TH: variants seen among roughly 807,000 people sequenced by gnomAD.
The protein encoded by TH is tyrosine 3-monooxygenase.
TH carries 49 observed loss-of-function variants against 57.4 expected under a neutral mutation model. That is an observed-to-expected ratio of 0.85 (90% CI 0.68 to 1.08). The LOEUF (loss-of-function observed/expected upper bound fraction) is 1.08, where lower values mean the gene tolerates loss of function less well. Ranked by LOEUF, TH falls within the 50% of genes least tolerant of loss-of-function variation. The pLI, the probability that TH is intolerant of heterozygous loss-of-function variation, is 0.00. For synonymous variants in TH, 330 were observed against 304.5 expected, an observed-to-expected ratio of 1.08 and a Z score of -0.87; for missense variants, 720 against 696.7, an observed-to-expected ratio of 1.03 and a Z score of -0.38.
Position 2,166,630 on chromosome 11 carries a change from C to T in TH, c.977+3G>A, listed in dbSNP as rs1481224439. On this transcript the variant is annotated splice_donor_region_variant and intron_variant, in intron 8 of 12. Coordinates refer to ENST00000352909, the MANE Select transcript of TH (RefSeq NM_000360.4). ...CGGGCTGGCGGCCAGGGCGCGCACTCACGGCTCAGGGGAGTGCATGGGCGA... is the reference window on the plus strand; with the variant it reads ...CGGGCTGGCGGCCAGGGCGCGCACTTACGGCTCAGGGGAGTGCATGGGCGA... 9 of 1,579,966 alleles carry T rather than the reference C, an allele frequency of 5.7e-6. No homozygotes were observed. Among genetic ancestry groups the T allele is most frequent in the Non-Finnish European group, 7.7e-6 (9 of 1,164,250 alleles).
chr11:2,164,006 C>T lies in TH; in HGVS notation c.*227G>A. On this transcript the variant is annotated 3_prime_UTR_variant, in exon 13 of 13. Coordinates refer to ENST00000352909, the MANE Select transcript of TH (RefSeq NM_000360.4). ...CAGGGAAGGGCGGAGGGCAGTGCAGCAGCCCCCAGGACCCTGGGAGCCAGG... is the reference window on the plus strand; with the variant it reads ...CAGGGAAGGGCGGAGGGCAGTGCAGTAGCCCCCAGGACCCTGGGAGCCAGG... 2.5e-6 allele frequency: 1 copy of T among 397,196 alleles called. No individual in the cohort carries two copies. The allele number at this position is 397,196 out of a possible 1,614,324, so 24.6% of individuals were successfully genotyped here.
In TH at chr11:2,168,322, G is replaced by A. The variant is rs1846157498; in HGVS notation, c.488-143C>T. On this transcript the variant is annotated intron_variant, in intron 3 of 12. Transcript: ENST00000352909. ...AGAGCTGCGGGGGGATCCTGGAGTG[G>A]CCCCAGGCCCGGACACGGATGTGTA... is the stretch of plus-strand genomic sequence containing the variant. 3 of 1,345,466 alleles carry A rather than the reference G, an allele frequency of 2.2e-6. No individual in the cohort carries two copies. The African/African-American group carries it at 4.3e-5, about 19-fold the overall frequency. 83.3% of individuals were successfully genotyped at this position (1,345,466 alleles called of 1,614,324 possible).
chr11:2,167,262 G>T (rs1846124964), intron 6 of TH, 173 bp downstream of exon 6: 2 of 969,070 alleles, frequency 2.1e-6, no homozygotes, highest in South Asian at 1.6e-5. Flanking sequence ...GGCCCGACAG[G>T]ATGGGTAGCC....
chr11:2,168,421 C>A, intron 3 of TH, 70 bp downstream of exon 3: 1 of 1,584,404 alleles, frequency 6.3e-7, no homozygotes, highest in Non-Finnish European at 8.6e-7. Context: ...TAGGGTCCCC[C>A]TGCAGGAGCC....
chr11:2,167,742 C>T, intron 5 of TH, 124 bp downstream of exon 5: 1 of 1,280,114 alleles, frequency 7.8e-7, no homozygotes, highest in Non-Finnish European at 1.1e-6. Flanking sequence ...AGCAGAGCTG[C>T]CTGGCAGGAG....
Position 2,166,231 on chromosome 11 carries a change from C to A in TH, c.1048-173G>T. ...CCTCCACCGGGCCTCCTCCTCCAGG[C>A]AGCCCTCCTTGACCACATTCCTAAG... On this transcript the variant is annotated intron_variant, in intron 9 of 12. Transcript: ENST00000352909. 5 of 889,836 alleles carry A rather than the reference C, an allele frequency of 5.6e-6. No individual in the cohort carries two copies. The East Asian group carries it at 7.9e-5, about 14-fold the overall frequency. The allele number at this position is 889,836 out of a possible 1,614,324, so 55.1% of individuals were successfully genotyped here.
At chr11:2,164,547 C>T (rs1027132786) in intron 12 of TH, among the ~76,000 whole-genome samples, 155 bp from the exon 13 acceptor site, 6 of 152,136 alleles carry the variant, frequency 3.9e-5, no homozygotes, top group African/African-American at 1.4e-4. Context: ...ACACTGAGGC[C>T]TCTTCCAGGG....
In TH at chr11:2,164,224, G is replaced by A. The variant is rs762091461; in HGVS notation, c.*9C>T. On this transcript the variant is annotated 3_prime_UTR_variant, in exon 13 of 13. Coordinates refer to ENST00000352909, the MANE Select transcript of TH (RefSeq NM_000360.4). Reference sequence around the variant, plus strand: ...GAGGTTGGGAAGGGCCCTCAGGGACGCCGTGCACCTAGCCAATGGCACTCA... The same window carrying A: ...GAGGTTGGGAAGGGCCCTCAGGGACACCGTGCACCTAGCCAATGGCACTCA... 153 of 1,447,758 alleles carry A rather than the reference G, an allele frequency of 1.1e-4. No homozygotes were observed. Among genetic ancestry groups the A allele is most frequent in the Non-Finnish European group, 1.2e-4 (130 of 1,096,126 alleles). 89.7% of individuals were successfully genotyped at this position (1,447,758 alleles called of 1,614,324 possible).
chr11:2,167,227 G>T, intron 6 of TH, 195 bp from the exon 7 acceptor site: 1 of 987,168 alleles, frequency 1.0e-6, no homozygotes. Flanking sequence ...GGCCATGAGG[G>T]GCGGTCCCTC....
intron 5 of TH, 40 bp from the exon 6 acceptor site, chr11:2,167,525 G>A (rs1225418640): frequency 1.3e-6 from 2 of 1,548,676 alleles, no homozygotes; most frequent in South Asian, 1.2e-5. Flanking sequence ...CCCTCGGGGA[G>A]TGAGAAGGGC....
At chr11:2,165,565 A>C (rs1417444619) in intron 11 of TH, 103 bp downstream of exon 11, 17 of 1,375,038 alleles carry the variant, frequency 1.2e-5, no homozygotes, top group Non-Finnish European at 1.7e-5. Flanking sequence ...TGAGTCCTGG[A>C]GGTCCAGGCC....
rs769126179 is a variant in TH, at chr11:2,169,678, G to T, written c.284C>A (p.Ala95Glu). ...LFSPRATKPS[A>E]LSRAVKVFET... ...AAACACCTTCACAGCTCGGGACAGC[G>T]CCGAGGGCTTGGTGGCCCTCGGGGA... The change falls in exon 2 of 13, where the codon GCG (alanine) becomes GAG (glutamate). Residue 95 changes from alanine to glutamate, a missense_variant. Ala to Glu is a moderately radical substitution (Grantham distance 107). Transcript: ENST00000352909. 1.2e-6 allele frequency: 2 copies of T among 1,613,334 alleles called. No homozygotes were observed. Among genetic ancestry groups the T allele is most frequent in the African/African-American group, 1.3e-5 (1 of 74,862 alleles).
rs1590163880 is a variant in TH, at chr11:2,164,212, G to A, written c.*21C>T. 2.1e-6 allele frequency: 3 copies of A among 1,437,354 alleles called. No homozygotes were observed. The highest frequency in any genetic ancestry group is 1.5e-5 in the African/African-American group (1 of 68,260). The allele number at this position is 1,437,354 out of a possible 1,614,324, so 89.0% of individuals were successfully genotyped here. A position where few individuals can be genotyped will look rare whatever the true frequency, so the allele number is the denominator to read the frequency against. On this transcript the variant is annotated 3_prime_UTR_variant, in exon 13 of 13. Coordinates refer to ENST00000352909, the MANE Select transcript of TH (RefSeq NM_000360.4). ...GCAGGACCAGGGGAGGTTGGGAAGG[G>A]CCCTCAGGGACGCCGTGCACCTAGC... is the stretch of plus-strand genomic sequence containing the variant.
In TH at chr11:2,167,919, C is replaced by G; in HGVS notation, c.591G>C (p.Gln197His). ...LDLDHPGFSD[Q>H]VYRQRRKLIA... is the part of the protein sequence containing the mutation. ...TCAGCTTCCTGCGCTGGCGGTACAC[C>G]TGGTCCGAGAAGCCCTGAGGGCAGA... Residue 197 changes from glutamine to histidine, a missense_variant, in exon 5 of 13, where the codon CAG (glutamine) becomes CAC (histidine). Transcript: ENST00000352909. The G allele has an allele frequency of 6.2e-7, 1 of 1,611,576 alleles. No homozygotes were observed. Among genetic ancestry groups the G allele is most frequent in the Non-Finnish European group, 8.5e-7 (1 of 1,179,380 alleles).
rs1169560257 is a variant in TH, at chr11:2,166,166, C to T, written c.1048-108G>A. On this transcript the variant is annotated intron_variant, in intron 9 of 12. Transcript: ENST00000352909. ...CCTCCAGGGGTCTCTGGGACACTTC[C>T]CTGGCGGCAGAGACCTTCCCTGGCC... 4.9e-5 allele frequency: 65 copies of T among 1,323,548 alleles called. No individual in the cohort carries two copies. The Middle Eastern group carries it at 5.7e-4, about 12-fold the overall frequency. 82.0% of individuals were successfully genotyped at this position (1,323,548 alleles called of 1,614,324 possible). A position where few individuals can be genotyped will look rare whatever the true frequency, so the allele number is the denominator to read the frequency against.
In TH at chr11:2,165,725, C is replaced by G. The variant is rs1846071715; in HGVS notation, c.1143G>C (p.Gln381His). Residue 381 changes from glutamine (Q) to histidine (H), a missense_variant, in exon 11 of 13, where the codon CAG (glutamine) becomes CAC (histidine). Physicochemically the swap from Gln to His is conservative, Grantham distance 24 (BLOSUM62 0). Coordinates refer to ENST00000352909, the MANE Select transcript of TH (RefSeq NM_000360.4). ...CACCATAGGCCTTCACCTCCCCGTT[C>G]TGCTTACACAGCCCGAACTCCACCG... Reference protein sequence around the residue: ...WFTVEFGLCKQNGEVKAYGAG... With the variant: ...WFTVEFGLCKHNGEVKAYGAG... 6.2e-7 allele frequency: 1 copy of G among 1,612,814 alleles called. No individual in the cohort carries two copies. Among genetic ancestry groups the G allele is most frequent in the South Asian group, 1.1e-5 (1 of 91,076 alleles).
In TH at chr11:2,170,690, C is replaced by A. The variant is rs1330998143; in HGVS notation, c.91-819G>T. ...CCTCCCAGAGTCCCCTCTTACTTAC[C>A]CTTGGGGTGGGGGTGTAGGATGCAG... On this transcript the variant is annotated intron_variant, in intron 1 of 12. Coordinates refer to ENST00000352909, the MANE Select transcript of TH (RefSeq NM_000360.4). This position sits in a 1 kb window ranked among gnomAD's most constrained non-coding sequence, Gnocchi z 6.0. The A allele has an allele frequency of 1.9e-6, 3 of 1,604,338 alleles. No individual in the cohort carries two copies. Among genetic ancestry groups the A allele is most frequent in the Admixed American group, 1.7e-5 (1 of 58,874 alleles).
chr11:2,167,107 C>A, intron 6 of TH, 75 bp from the exon 7 acceptor site: 1 of 1,531,150 alleles, frequency 6.5e-7, no homozygotes, highest in South Asian at 1.2e-5. Context: ...ACTGTGGGTG[C>A]CTCTGCCTGC....
intron 2 of TH, among the ~76,000 whole-genome samples, chr11:2,169,261 A>T (rs1335141694): frequency 1.3e-5 from 2 of 151,926 alleles, no homozygotes; most frequent in Non-Finnish European, 2.9e-5. Flanking sequence ...GGCCGGAGTG[A>T]CTAATGCAAT....
Sources: gnomAD v4.1 joint callset for allele counts (sites outside exome capture counted in the v4.1 genomes callset) on GRCh38, gnomAD v4.1.1 for gene constraint, Gnocchi (gnomAD v3.1) non-coding constraint, MANE v1.5 for transcripts, NCBI Gene and HGNC (gene_info 2026-07-23, HGNC 2026-07-21) for gene names.